LGALS8: variants seen among roughly 807,000 people sequenced by gnomAD.
The protein encoded by LGALS8 is galectin-8.
LGALS8 carries 30 observed loss-of-function variants against 35.9 expected under a neutral mutation model. The observed-to-expected ratio is 0.83, with a 90% confidence interval of 0.62 to 1.13. The LOEUF (loss-of-function observed/expected upper bound fraction) is 1.13, where lower values mean the gene tolerates loss of function less well. Among genes scored for constraint, LGALS8 ranks in the 50% most tolerant of loss-of-function variants. The probability of loss-of-function intolerance (pLI) is 0.00; values close to 1 mark genes in which losing one functional copy is unlikely to be tolerated. For synonymous variants in LGALS8, 138 were observed against 136.1 expected, an observed-to-expected ratio of 1.01 and a Z score of -0.10; for missense variants, 366 against 388.7, an observed-to-expected ratio of 0.94 and a Z score of 0.49.
At chr1:236,531,240 C>T (rs1661123495) in intron 2 of LGALS8, among the ~76,000 whole-genome samples, 1 of 152,068 alleles carries the variant, frequency 6.6e-6, no homozygotes, top group East Asian at 1.9e-4. Flanking sequence ...GCCTGTGCTA[C>T]GTATTTCTGT....
intron 9 of LGALS8, among the ~76,000 whole-genome samples, chr1:236,545,622 T>C (rs1425812173): frequency 6.6e-6 from 1 of 152,216 alleles, no homozygotes; most frequent in Non-Finnish European, 1.5e-5. Context: ...ATGTGGGTTC[T>C]TGAGGACTCA....
Position 236,551,787 on chromosome 1 carries a change from G to A in LGALS8, c.*3626G>A, listed in dbSNP as rs1215482483. ...CTGTAAACGGACTCTCAAATGATCA[G>A]GAGGTGGTCACTTCGCAACTTGCTC... On this transcript the variant is annotated 3_prime_UTR_variant, in exon 10 of 10. Transcript: ENST00000366584. The A allele has an allele frequency of 9.5e-6, 5 of 524,064 alleles. No homozygotes were observed. Among genetic ancestry groups the A allele is most frequent in the African/African-American group, 5.8e-5 (3 of 51,786 alleles). 32.5% of individuals were successfully genotyped at this position (524,064 alleles called of 1,614,324 possible).
chr1:236,548,834 A>C lies in LGALS8; in HGVS notation c.*673A>C, dbSNP rs1662574740. The C allele has an allele frequency of 2.5e-6, 1 of 397,950 alleles. No individual in the cohort carries two copies. Among genetic ancestry groups the C allele is most frequent in the Non-Finnish European group, 4.4e-6 (1 of 225,758 alleles). The allele number at this position is 397,950 out of a possible 1,614,324, so 24.7% of individuals were successfully genotyped here. A position where few individuals can be genotyped will look rare whatever the true frequency, so the allele number is the denominator to read the frequency against. On this transcript the variant is annotated 3_prime_UTR_variant, in exon 10 of 10. Transcript: ENST00000366584. ...CTGCAAGCTTTACCAAGTAATTGGC[A>C]TGACATCTGAGCACAGAAATTAAGG...
At chr1:236,536,911 C>T (rs932017106) in intron 2 of LGALS8, among the ~76,000 whole-genome samples, 3 of 151,484 alleles carry the variant, frequency 2.0e-5, no homozygotes, top group Non-Finnish European at 4.4e-5. Flanking sequence ...TTCACAAACT[C>T]TCAGCCAAAT....
rs369440502 is a variant in LGALS8 at position 236,543,591 on chromosome 1, C to T, written c.581C>T (p.Pro194Leu). The change falls in exon 8 of 10, where the codon CCC becomes CTC. Residue 194 changes from proline to leucine, a missense_variant. Physicochemically the swap from Pro to Leu is moderately conservative, Grantham distance 98. Coordinates refer to ENST00000366584, the MANE Select transcript of LGALS8 (RefSeq NM_201544.4). ...RLPFAARLNT[P>L]MGPGRTVVVK... Reference sequence around the variant, plus strand: ...CCATTCGCTGCAAGGTTGAACACCCCCATGGGCCCTGGACGAACTGTCGTC... The same window carrying T: ...CCATTCGCTGCAAGGTTGAACACCCTCATGGGCCCTGGACGAACTGTCGTC... 4 of 1,613,962 alleles carry T rather than the reference C, an allele frequency of 2.5e-6. No individual in the cohort carries two copies. Among genetic ancestry groups the T allele is most frequent in the Non-Finnish European group, 3.4e-6 (4 of 1,180,004 alleles).
At chr1:236,531,877 G>A (rs1661169866) in intron 2 of LGALS8, among the ~76,000 whole-genome samples, 1 of 152,138 alleles carries the variant, frequency 6.6e-6, no homozygotes, top group Non-Finnish European at 1.5e-5. Context: ...AGGATATAGA[G>A]CAAAATTGCA....
At chr1:236,545,605 C>G (rs952950971) in intron 9 of LGALS8, among the ~76,000 whole-genome samples, 2 of 152,156 alleles carry the variant, frequency 1.3e-5, no homozygotes, top group African/African-American at 2.4e-5. Flanking sequence ...GACACATTGT[C>G]TGGACCATGT....
chr1:236,535,303 T>C (rs1440363732), intron 2 of LGALS8, among the ~76,000 whole-genome samples: 2 of 152,012 alleles, frequency 1.3e-5, no homozygotes, highest in African/African-American at 4.8e-5. Flanking sequence ...TCTTTTTCTT[T>C]TTTTAATTTT....
At position 236,548,147 on chromosome 1, in the gene LGALS8, G is replaced by A. The variant is rs2103113633; in HGVS notation, c.940G>A (p.Val314Ile). Reference protein sequence around the residue: ...EINGDIHLLEVRSW With the variant: ...EINGDIHLLEIRSW ...TAATGGAGACATCCACTTACTGGAAGTAAGGAGCTGGTAGCCTACCTACAC... is the reference window on the plus strand; with the variant it reads ...TAATGGAGACATCCACTTACTGGAAATAAGGAGCTGGTAGCCTACCTACAC... The change falls in exon 10 of 10, where the codon GTA becomes ATA. Residue 314 changes from valine (V) to isoleucine (I), a missense_variant. Coordinates refer to ENST00000366584, the MANE Select transcript of LGALS8 (RefSeq NM_201544.4). The A allele has an allele frequency of 6.2e-7, 1 of 1,613,502 alleles. No homozygotes were observed. The highest frequency in any genetic ancestry group is 8.5e-7 in the Non-Finnish European group (1 of 1,179,624).
chr1:236,531,762 T>A (rs571216992), intron 2 of LGALS8, among the ~76,000 whole-genome samples: 1 of 152,322 alleles, frequency 6.6e-6, no homozygotes, highest in Admixed American at 6.5e-5. Context: ...GATTCTTCTC[T>A]CTCCTTTCTC....
intron 2 of LGALS8, among the ~76,000 whole-genome samples, chr1:236,533,630 G>A (rs1036855839): frequency 6.9e-5 from 9 of 130,984 alleles, no homozygotes; most frequent in African/African-American, 2.7e-4. Context: ...CACTGCGCCT[G>A]ACCCCCATTT....
Position 236,551,859 on chromosome 1 carries a change from A to G in LGALS8, c.*3698A>G. ...GAGCTCGAGCCTGCCTGTATTTGAG[A>G]CTGGAGCTGCCTGTATGAGGACTGG... On this transcript the variant is annotated 3_prime_UTR_variant, in exon 10 of 10. Transcript: ENST00000366584. 1.6e-6 allele frequency: 1 copy of G among 614,748 alleles called. No individual in the cohort carries two copies. The allele number at this position is 614,748 out of a possible 1,614,324, so 38.1% of individuals were successfully genotyped here. A position where few individuals can be genotyped will look rare whatever the true frequency, so the allele number is the denominator to read the frequency against.
rs774211078 is a variant in LGALS8 at position 236,543,588 on chromosome 1, C to T, written c.578C>T (p.Thr193Ile). 4 of 1,613,640 alleles carry T rather than the reference C, an allele frequency of 2.5e-6. No individual in the cohort carries two copies. The highest frequency in any genetic ancestry group is 3.4e-6 in the Non-Finnish European group (4 of 1,179,668). The change falls in exon 8 of 10, where the codon ACC (threonine) becomes ATC (isoleucine). Residue 193 changes from threonine to isoleucine, a missense_variant. Thr to Ile is a moderately conservative substitution (Grantham distance 89, BLOSUM62 -1). Transcript: ENST00000366584. ...CTGCCATTCGCTGCAAGGTTGAACA[C>T]CCCCATGGGCCCTGGACGAACTGTC... Reference protein sequence around the residue: ...LRLPFAARLNTPMGPGRTVVV... With the variant: ...LRLPFAARLNIPMGPGRTVVV...
chr1:236,548,354 G>T lies in LGALS8; in HGVS notation c.*193G>T. On this transcript the variant is annotated 3_prime_UTR_variant, in exon 10 of 10. Transcript: ENST00000366584. Reference sequence around the variant, plus strand: ...GTCTAGCACTGAATGGGGAAACTGGGGGCAGCAACACTTATAGCCAGTTAA... The same window carrying T: ...GTCTAGCACTGAATGGGGAAACTGGTGGCAGCAACACTTATAGCCAGTTAA... The T allele has an allele frequency of 3.4e-6, 2 of 582,834 alleles. No individual in the cohort carries two copies. Among genetic ancestry groups the T allele is most frequent in the South Asian group, 2.1e-5 (1 of 46,524 alleles). 36.1% of individuals were successfully genotyped at this position (582,834 alleles called of 1,614,324 possible).
At chr1:236,543,168 G>T in intron 7 of LGALS8, 1 of 788,976 alleles carries the variant, frequency 1.3e-6, no homozygotes. Context: ...GTCCCTGGAC[G>T]GATTCGAGAG....
intron 1 of LGALS8, chr1:236,524,406 C>T (rs1660695037): frequency 2.2e-6 from 1 of 456,730 alleles, no homozygotes; most frequent in South Asian, 1.5e-5. Context: ...TCACCTGTTC[C>T]CTCCTAGCCT....
intron 8 of LGALS8, among the ~76,000 whole-genome samples, chr1:236,544,467 A>G (rs1328304812): frequency 2.0e-5 from 3 of 152,230 alleles, no homozygotes; most frequent in African/African-American, 7.2e-5. Flanking sequence ...GTAGTCATTC[A>G]GTTTAGCGTT....
At chr1:236,541,225 C>G (rs1358527281) in intron 5 of LGALS8, 1 of 165,950 alleles carries the variant, frequency 6.0e-6, no homozygotes, top group Admixed American at 6.4e-5. Flanking sequence ...ATAGGCCACA[C>G]CCTACAGCCT....
chr1:236,547,902 G>A (rs531854992), intron 9 of LGALS8, 110 bp from the exon 10 acceptor site: 5 of 960,420 alleles, frequency 5.2e-6, no homozygotes, highest in Non-Finnish European at 8.0e-6. Flanking sequence ...CAGCAGGCTG[G>A]AACTTTTCTA....
Sources: gnomAD v4.1 joint callset for allele counts (sites outside exome capture counted in the v4.1 genomes callset) on GRCh38, gnomAD v4.1.1 for gene constraint, MANE v1.5 for transcripts, NCBI Gene and HGNC (gene_info 2026-07-23, HGNC 2026-07-21) for gene names.